Variants in NTRK2 observed in about 807,000 individuals in gnomAD.
The protein encoded by NTRK2 is neurotrophic receptor tyrosine kinase 2.
A neutral mutation model predicts 94.5 loss-of-function variants in NTRK2; 13 were observed. The ratio of observed to expected loss-of-function variants is 0.14; its 90% CI spans 0.09 to 0.22. The LOEUF (loss-of-function observed/expected upper bound fraction) is 0.22. Ranked by LOEUF, NTRK2 falls within the 10% of genes least tolerant of loss-of-function variation. NTRK2 has a pLI of 1.00. For missense variants in NTRK2, 639 were observed against 1,071.2 expected (o/e 0.60, Z 5.63); for synonymous variants, 372 against 407.4 (o/e 0.91, Z 1.05).
intron 14 of NTRK2, among the ~76,000 whole-genome samples, chr9:84,882,719 T>TGTGCGCGCGCGCGCGCGC (rs761042296): frequency 2.1e-5 from 3 of 145,740 alleles, no homozygotes; most frequent in African/African-American, 2.6e-5. Context: ...TGTGTGTGTG[T>TGTGCGCGCGCGCGCGCGC]GCGCGCGCGC....
chr9:84,918,627 C>A (rs1218856602), intron 14 of NTRK2, among the ~76,000 whole-genome samples: 1 of 152,166 alleles, frequency 6.6e-6, no homozygotes, highest in African/African-American at 2.4e-5. Context: ...AAACTCTTTG[C>A]TTTGGCAACT....
intron 14 of NTRK2, 95 bp downstream of exon 14, chr9:84,867,526 G>A (rs2075649387): frequency 1.9e-6 from 2 of 1,048,732 alleles, no homozygotes; most frequent in African/African-American, 3.1e-5. Flanking sequence ...GACTGGCGGG[G>A]AACAGGGTGC....
At chr9:84,728,552 C>T (rs1455844117) in intron 9 of NTRK2, among the ~76,000 whole-genome samples, 2 of 152,084 alleles carry the variant, frequency 1.3e-5, no homozygotes, top group South Asian at 2.1e-4. Flanking sequence ...ATGGTTGGCT[C>T]GTGATGCATT....
Position 85,021,533 on chromosome 9 carries a change from T to C in NTRK2, c.*96T>C. On this transcript the variant is annotated 3_prime_UTR_variant, in exon 19 of 19. Coordinates refer to ENST00000277120, the MANE Select transcript of NTRK2 (RefSeq NM_006180.6). ...CTGCCGCTGGAGGCCACCAAGCTGC[T>C]CTCCTTCACTCTGACAGTATTAACA... is the stretch of plus-strand genomic sequence containing the variant. The C allele has an allele frequency of 8.6e-7, 1 of 1,168,156 alleles. No individual in the cohort carries two copies. Among genetic ancestry groups the C allele is most frequent in the Non-Finnish European group, 1.3e-6 (1 of 777,536 alleles). 72.4% of individuals were successfully genotyped at this position (1,168,156 alleles called of 1,614,324 possible).
intron 12 of NTRK2, among the ~76,000 whole-genome samples, chr9:84,833,012 G>C (rs151158749): frequency 9.4e-4 from 141 of 149,290 alleles, no homozygotes; most frequent in African/African-American, 3.2e-3. Flanking sequence ...TGTCAGAGGA[G>C]CCCACAGCTG....
At chr9:84,747,546 C>T (rs532957983) in intron 11 of NTRK2, among the ~76,000 whole-genome samples, 2 of 145,068 alleles carry the variant, frequency 1.4e-5, no homozygotes, top group East Asian at 4.1e-4. Context: ...GGCACGATCT[C>T]GGCTCACTGC....
At chr9:84,998,691 C>A (rs1830029745) in intron 17 of NTRK2, among the ~76,000 whole-genome samples, 1 of 152,190 alleles carries the variant, frequency 6.6e-6, no homozygotes, top group African/African-American at 2.4e-5. Flanking sequence ...AGGAGATACA[C>A]CTTGGCCTCT....
chr9:84,820,255 C>T (rs562018611), intron 12 of NTRK2, among the ~76,000 whole-genome samples: 11 of 151,290 alleles, frequency 7.3e-5, no homozygotes, highest in African/African-American at 9.7e-5. Flanking sequence ...TTGCAACCTC[C>T]GCATCCCAGG....
intron 17 of NTRK2, among the ~76,000 whole-genome samples, chr9:84,978,603 G>A (rs745337933): frequency 6.6e-6 from 1 of 152,162 alleles, no homozygotes; most frequent in Non-Finnish European, 1.5e-5. Context: ...AAGTTACCCA[G>A]AAGCTCTAGC....
At chr9:84,892,697 G>C (rs2076630322) in intron 14 of NTRK2, among the ~76,000 whole-genome samples, 1 of 152,226 alleles carries the variant, frequency 6.6e-6, no homozygotes, top group Non-Finnish European at 1.5e-5. Flanking sequence ...AAGGCAGGTG[G>C]AACACCTGAG....
chr9:84,802,042 G>A (rs1588699087), intron 12 of NTRK2, among the ~76,000 whole-genome samples: 1 of 152,238 alleles, frequency 6.6e-6, no homozygotes, highest in South Asian at 2.1e-4. Flanking sequence ...AGGTTATGAA[G>A]TAGATCGCCT....
At chr9:84,947,278 C>G (rs1458046105) in intron 15 of NTRK2, among the ~76,000 whole-genome samples, 1 of 152,182 alleles carries the variant, frequency 6.6e-6, no homozygotes, top group Non-Finnish European at 1.5e-5. Flanking sequence ...TATAAGGACC[C>G]TTGTAATGAC....
At chr9:84,938,031 C>G (rs2078270701) in intron 15 of NTRK2, among the ~76,000 whole-genome samples, 1 of 152,094 alleles carries the variant, frequency 6.6e-6, no homozygotes, top group Admixed American at 6.5e-5. Flanking sequence ...ATATATATAA[C>G]CCAAGCCTCA....
chr9:84,776,721 C>T (rs186909668), intron 12 of NTRK2, among the ~76,000 whole-genome samples: 18 of 152,280 alleles, frequency 1.2e-4, no homozygotes, highest in Non-Finnish European at 2.2e-4. Context: ...TTCCAAAACC[C>T]CATGAGTGTG....
At chr9:84,841,082 C>T (rs541732052) in intron 12 of NTRK2, among the ~76,000 whole-genome samples, 3 of 152,312 alleles carry the variant, frequency 2.0e-5, no homozygotes, top group South Asian at 4.1e-4. Context: ...TGCTCTCCCT[C>T]ATATGGGGAT....
rs145779317 is a variant in NTRK2 at position 84,673,947 on chromosome 9, C to T, written c.212+2987C>T. 7.2e-4 allele frequency among the ~76,000 whole-genome samples: 109 copies of T among 152,272 alleles called. 1 individual carries two copies. Among genetic ancestry groups the T allele is most frequent in the African/African-American group, 2.5e-3 (105 of 41,546 alleles). On this transcript the variant is annotated intron_variant, in intron 2 of 18. Transcript: ENST00000277120. ...TGTTAAAATGAATTTAAACGCAGTA[C>T]CAATGTCACATGCAATGGAATTCAA...
At chr9:84,899,476 A>G (rs1564446129) in intron 14 of NTRK2, among the ~76,000 whole-genome samples, 1 of 152,186 alleles carries the variant, frequency 6.6e-6, no homozygotes, top group Non-Finnish European at 1.5e-5. Flanking sequence ...CTCTCTCTGG[A>G]AAGTCAGGAG....
At chr9:84,672,087 G>T in intron 2 of NTRK2, among the ~76,000 whole-genome samples, 1 of 152,172 alleles carries the variant, frequency 6.6e-6, no homozygotes, top group East Asian at 1.9e-4. Context: ...TCCGGTTGTC[G>T]AGTGCGCATG....
chr9:84,917,124 A>G (rs1174081528), intron 14 of NTRK2, among the ~76,000 whole-genome samples: 1 of 152,012 alleles, frequency 6.6e-6, no homozygotes, highest in African/African-American at 2.4e-5. Flanking sequence ...GGTTTTGGAG[A>G]GAGGTTTGAC....
Sources: allele counts gnomAD v4.1 joint callset (sites outside exome capture counted in the v4.1 genomes callset), GRCh38; gene constraint gnomAD v4.1.1; transcripts MANE v1.5; gene names NCBI Gene and HGNC (gene_info 2026-07-23, HGNC 2026-07-21).